NXN: variants seen among roughly 807,000 people sequenced by gnomAD.
The protein encoded by NXN is nucleoredoxin.
NXN carries 16 observed loss-of-function variants against 48.6 expected under a neutral mutation model. The observed-to-expected ratio is 0.33, with a 90% CI of 0.22 to 0.50. NXN has a LOEUF of 0.50. NXN is among the 20% of genes least tolerant of loss of function. NXN has a pLI of 0.98. For missense variants in NXN, 492 were observed against 605.5 expected, an observed-to-expected ratio of 0.81 and a Z score of 1.97; for synonymous variants, 281 against 269.6, an observed-to-expected ratio of 1.04 and a Z score of -0.41.
intron 1 of NXN, among the ~76,000 whole-genome samples, chr17:860,269 G>A (rs79879966): frequency 0.14 from 20,980 of 152,098 alleles, 1,642 homozygotes; most frequent in African/African-American, 0.22. Flanking sequence ...GATGACAGGC[G>A]TGTGCCGCCG....
At chr17:842,559 A>G (rs1914390271) in intron 1 of NXN, 1 of 985,422 alleles carries the variant, frequency 1.0e-6, no homozygotes, top group South Asian at 4.7e-5. Context: ...CCTACGGCAC[A>G]TCCCGAGACA....
intron 5 of NXN, among the ~76,000 whole-genome samples, chr17:807,163 A>G (rs1328176794): frequency 6.6e-6 from 1 of 152,142 alleles, no homozygotes; most frequent in African/African-American, 2.4e-5. Context: ...TGCAGCCCAA[A>G]GGGAATCCGG....
intron 5 of NXN, among the ~76,000 whole-genome samples, chr17:810,825 C>G (rs9904898): frequency 0.11 from 17,320 of 152,014 alleles, 1,161 homozygotes; most frequent in African/African-American, 0.18. Flanking sequence ...GGAGGCAGAG[C>G]TTGCAGTGAG....
Position 979,672 on chromosome 17 carries a change from C to T in NXN, c.7G>A (p.Gly3Ser). ...TCGCCGAGCAGCTCCTCCAGGAAGC[C>T]CGACATCCTGGCCCACCGCAGGGCG... MSGFLEELLGEKL... is the reference protein window; with the variant it reads MSSFLEELLGEKL... The change falls in exon 1 of 8, where the codon GGC becomes AGC. Residue 3 changes from glycine (G) to serine (S), a missense_variant. By Grantham distance (56) the Gly-to-Ser change is moderately conservative. Transcript: ENST00000336868. The T allele has an allele frequency of 6.8e-7, 1 of 1,463,360 alleles. No homozygotes were observed. The highest frequency in any genetic ancestry group is 1.3e-5 in the South Asian group (1 of 78,730). The allele number at this position is 1,463,360 out of a possible 1,614,324, so 90.6% of individuals were successfully genotyped here. A position where few individuals can be genotyped will look rare whatever the true frequency, so the allele number is the denominator to read the frequency against.
In NXN at chr17:839,997, TA is replaced by T. The variant is rs1359296387; in HGVS notation, c.361-13920del. ...CTGTAATCCCAGCTACTTGGGAGGC[TA>T]AGGCAGGAGAATTGCTTTAACCCAA... On this transcript the variant is annotated intron_variant, in intron 1 of 7. Transcript: ENST00000336868. 2.0e-5 allele frequency among the ~76,000 whole-genome samples: 3 copies of T among 149,054 alleles called. No individual in the cohort carries two copies. In the East Asian group the frequency reaches 6.0e-4, roughly 30 times the overall value.
intron 1 of NXN, among the ~76,000 whole-genome samples, chr17:851,057 G>A (rs2067918375): frequency 6.6e-6 from 1 of 152,240 alleles, no homozygotes; most frequent in Non-Finnish European, 1.5e-5. Flanking sequence ...CAGCTTCTCC[G>A]TCGGGAGCAC....
chr17:909,098 CAAAAAAAAAAAAAAAAAAAA>C (rs59822805), intron 1 of NXN, among the ~76,000 whole-genome samples: 2 of 117,330 alleles, frequency 1.7e-5, no homozygotes, highest in Non-Finnish European at 3.5e-5. Context: ...GACTTCGTCT[CAAAAAAAAAAAAAAAAAAAA>C]AAAAAAAAAC....
chr17:951,802 T>C (rs2069113944), intron 1 of NXN, among the ~76,000 whole-genome samples: 1 of 152,082 alleles, frequency 6.6e-6, no homozygotes, highest in African/African-American at 2.4e-5. Flanking sequence ...CCGTGGGTAT[T>C]TCCCTGGGAG....
Position 896,798 on chromosome 17 carries a change from T to C in NXN, c.361-70720A>G, listed in dbSNP as rs889422558. The C allele has an allele frequency of 6.3e-5, 67 of 1,066,702 alleles. 1 individual carries two copies. The African/African-American group carries it at 1.1e-3, about 18-fold the overall frequency. 66.1% of individuals were successfully genotyped at this position (1,066,702 alleles called of 1,614,324 possible). ...CAAAGCTTCCCTAAATTCTCTACAA[T>C]AGACACTTGAACCTCTGCAGATCTC... On this transcript the variant is annotated intron_variant, in intron 1 of 7. Transcript: ENST00000336868.
At position 919,018 on chromosome 17, in the gene NXN, T is replaced by C. The variant is rs939150211; in HGVS notation, c.360+60301A>G. Among the ~76,000 whole-genome samples the C allele has an allele frequency of 4.0e-5, 6 of 151,418 alleles. No homozygotes were observed. Among genetic ancestry groups the C allele is most frequent in the East Asian group, 1.9e-4 (1 of 5,158 alleles). On this transcript the variant is annotated intron_variant, in intron 1 of 7. Transcript: ENST00000336868. The surrounding 1 kb of genome is among the most constrained non-coding windows in gnomAD (Gnocchi z 5.1). ...AGTTTGAGGCTGCAGTGAGCTATGATTGCACCACTGCACTCCAGCCTGGGC... is the reference window on the plus strand; with the variant it reads ...AGTTTGAGGCTGCAGTGAGCTATGACTGCACCACTGCACTCCAGCCTGGGC...
At chr17:804,891 G>A (rs991345510) in intron 6 of NXN, among the ~76,000 whole-genome samples, 177 bp downstream of exon 6, 1 of 152,188 alleles carries the variant, frequency 6.6e-6, no homozygotes, top group Non-Finnish European at 1.5e-5. Context: ...AGCTCCCACA[G>A]GGGCCAGCCA....
At chr17:828,648 C>T (rs574853876) in intron 1 of NXN, among the ~76,000 whole-genome samples, 4 of 152,234 alleles carry the variant, frequency 2.6e-5, no homozygotes, top group Admixed American at 6.5e-5. Flanking sequence ...GTGATCCACC[C>T]GCCTCGGCCT....
chr17:868,392 G>A lies in NXN; in HGVS notation c.361-42314C>T, dbSNP rs188186907. On this transcript the variant is annotated intron_variant, in intron 1 of 7. Transcript: ENST00000336868. ...CTCTCATCCAGCCAGCAGGGTGAGG[G>A]AGCTCCTCCTCGGCTCTCACCCGCA... 3.2e-4 allele frequency among the ~76,000 whole-genome samples: 48 copies of A among 152,076 alleles called. No homozygotes were observed. The East Asian group carries it at 8.3e-3, about 26-fold the overall frequency.
chr17:880,710 G>A lies in NXN; in HGVS notation c.361-54632C>T, dbSNP rs565345144. On this transcript the variant is annotated intron_variant, in intron 1 of 7. Transcript: ENST00000336868. ...AGGACGTCCACTCACAGGGGAAGAA[G>A]CAGAGGGGCTGGCCTTCTCCTAAGG... Among the ~76,000 whole-genome samples, 654 of 152,308 alleles carry A rather than the reference G, an allele frequency of 4.3e-3. 3 individuals are homozygous for A. The highest frequency in any genetic ancestry group is 7.5e-3 in the Non-Finnish European group (512 of 68,032).
intron 1 of NXN, among the ~76,000 whole-genome samples, chr17:913,629 C>G (rs1318073970): frequency 7.1e-6 from 1 of 141,704 alleles, no homozygotes; most frequent in Admixed American, 6.8e-5. Flanking sequence ...ATGCAGAGAC[C>G]GGGAACCGAT....
At chr17:844,071 A>T (rs1327158113) in intron 1 of NXN, among the ~76,000 whole-genome samples, 1 of 147,568 alleles carries the variant, frequency 6.8e-6, no homozygotes. Context: ...TGGAAGGTGG[A>T]GACCAGGCGG....
chr17:910,501 T>C (rs2068625858), intron 1 of NXN, among the ~76,000 whole-genome samples: 1 of 152,140 alleles, frequency 6.6e-6, no homozygotes, highest in Admixed American at 6.6e-5. Context: ...TTTAAAGCTC[T>C]CAATGCATAA....
At chr17:828,451 G>A (rs1913260981) in intron 1 of NXN, among the ~76,000 whole-genome samples, 1 of 138,762 alleles carries the variant, frequency 7.2e-6, no homozygotes, top group African/African-American at 2.8e-5. Flanking sequence ...ACCCAGGCTA[G>A]AGTGCAATGG....
At chr17:938,117 G>A (rs542989769) in intron 1 of NXN, among the ~76,000 whole-genome samples, 1 of 152,334 alleles carries the variant, frequency 6.6e-6, no homozygotes, top group South Asian at 2.1e-4. Context: ...ATACACAGAG[G>A]TTAAGGGGCA....
Sources: gnomAD v4.1 joint callset for allele counts (sites outside exome capture counted in the v4.1 genomes callset) on GRCh38, gnomAD v4.1.1 for gene constraint, Gnocchi (gnomAD v3.1) non-coding constraint, MANE v1.5 for transcripts, NCBI Gene and HGNC (gene_info 2026-07-23, HGNC 2026-07-21) for gene names.